Variants in NTM observed in about 807,000 individuals in gnomAD.
NTM encodes the protein IgLON family member 2.
Under a neutral mutation model 42.1 loss-of-function variants are expected in NTM, and 13 were observed. That is an observed-to-expected ratio of 0.31 (90% CI 0.20 to 0.49). NTM has a LOEUF of 0.49. Ranked by LOEUF, NTM falls within the 20% of genes least tolerant of loss-of-function variation. The probability of loss-of-function intolerance (pLI) is 0.99; values close to 1 mark genes in which losing one functional copy is unlikely to be tolerated. For missense variants in NTM, 373 were observed against 452.8 expected, an observed-to-expected ratio of 0.82 and a Z score of 1.60; for synonymous variants, 187 against 179.2, an observed-to-expected ratio of 1.04 and a Z score of -0.35.
intron 1 of NTM, among the ~76,000 whole-genome samples, chr11:131,478,375 C>A (rs1043523803): frequency 1.3e-5 from 2 of 152,226 alleles, no homozygotes; most frequent in East Asian, 3.9e-4. Context: ...CATTTATGGA[C>A]ACCTTGCCTA....
intron 2 of NTM, among the ~76,000 whole-genome samples, chr11:131,971,988 G>A (rs931517963): frequency 3.5e-4 from 50 of 144,136 alleles, no homozygotes; most frequent in African/African-American, 1.1e-3. Flanking sequence ...GCTTGCAGTG[G>A]GCTGAGATTG....
chr11:132,132,316 A>G (rs1418852092), intron 2 of NTM, among the ~76,000 whole-genome samples: 4 of 152,118 alleles, frequency 2.6e-5, no homozygotes, highest in East Asian at 3.9e-4. Flanking sequence ...AATTGGGTCT[A>G]TTTCTTTCTG....
At chr11:131,989,717 G>GCGCA (rs1555207592) in intron 2 of NTM, among the ~76,000 whole-genome samples, 2 of 149,332 alleles carry the variant, frequency 1.3e-5, no homozygotes, top group Non-Finnish European at 3.0e-5. Context: ...TTAGATACAT[G>GCGCA]CACACACACA....
chr11:131,486,579 T>C (rs953004658), intron 1 of NTM, among the ~76,000 whole-genome samples: 2 of 152,164 alleles, frequency 1.3e-5, no homozygotes, highest in African/African-American at 4.8e-5. Flanking sequence ...GTTTTTCTGG[T>C]CAGGAATAAG....
At chr11:132,111,226 G>A (rs888905356) in intron 2 of NTM, among the ~76,000 whole-genome samples, 8 of 150,978 alleles carry the variant, frequency 5.3e-5, no homozygotes, top group African/African-American at 1.9e-4. Flanking sequence ...TTATGTGCAT[G>A]CCTATGTGTG....
intron 1 of NTM, among the ~76,000 whole-genome samples, chr11:131,797,200 G>A (rs1279796707): frequency 6.6e-6 from 1 of 152,128 alleles, no homozygotes; most frequent in African/African-American, 2.4e-5. Context: ...GTTTTTCGTT[G>A]TTTTTTCCTT....
chr11:131,468,359 G>C (rs1351593699), intron 1 of NTM, among the ~76,000 whole-genome samples: 1 of 152,162 alleles, frequency 6.6e-6, no homozygotes, highest in Non-Finnish European at 1.5e-5. Context: ...AATGTTGCTC[G>C]GTGCTTAATG....
intron 1 of NTM, chr11:131,536,084 C>G (rs374598): frequency 0.7 from 105,708 of 152,082 alleles, 39,233 homozygotes; most frequent in Non-Finnish European, 0.83. Flanking sequence ...TGTGTTTAAC[C>G]GTATCTTCCC....
At chr11:131,378,008 T>G (rs2135501878) in intron 1 of NTM, among the ~76,000 whole-genome samples, 1 of 152,354 alleles carries the variant, frequency 6.6e-6, no homozygotes, top group South Asian at 2.1e-4. Flanking sequence ...CAATCTGCAT[T>G]TATTTGCAAT....
At chr11:131,699,605 G>C (rs1170798743) in intron 1 of NTM, among the ~76,000 whole-genome samples, 2 of 152,138 alleles carry the variant, frequency 1.3e-5, no homozygotes, top group South Asian at 2.1e-4. Context: ...AAAGGAAAGA[G>C]GTTTAGTTGA....
At chr11:131,679,656 T>C (rs1364488868) in intron 1 of NTM, among the ~76,000 whole-genome samples, 1 of 151,400 alleles carries the variant, frequency 6.6e-6, no homozygotes, top group Non-Finnish European at 1.5e-5. Flanking sequence ...TCTAGATAAC[T>C]AGTGCCCCCT....
Position 132,330,167 on chromosome 11 carries a change from G to T in NTM, c.949G>T (p.Ala317Ser). 6.4e-7 allele frequency: 1 copy of T among 1,551,698 alleles called. No individual in the cohort carries two copies. The highest frequency in any genetic ancestry group is 1.2e-5 in the South Asian group (1 of 84,018). Residue 317 changes from alanine (A) to serine (S), a missense_variant, in exon 8 of 9, where the codon GCC becomes TCC. Coordinates refer to ENST00000683400, the MANE Select transcript of NTM (RefSeq NM_001352005.2). ...SIMLFEVKTT[A>S]LTPWKGPGAV... ...ATTTCTTTTAGAAGTGAAAACTACAGCCCTGACCCCTTGGAAAGGTTTGTA... is the reference window on the plus strand; with the variant it reads ...ATTTCTTTTAGAAGTGAAAACTACATCCCTGACCCCTTGGAAAGGTTTGTA...
intron 2 of NTM, among the ~76,000 whole-genome samples, chr11:132,085,580 A>G (rs2059602691): frequency 6.6e-6 from 1 of 152,244 alleles, no homozygotes; most frequent in Non-Finnish European, 1.5e-5. Context: ...TATTTCTCAA[A>G]GATTAAAGTC....
Position 131,591,580 on chromosome 11 carries a change from T to C in NTM, c.82+220692T>C, listed in dbSNP as rs765823103. On this transcript the variant is annotated intron_variant, in intron 1 of 8. Transcript: ENST00000683400. ...TGAGCTGAGCTGGGTAGTTCCCAGC[T>C]CAAATGAGCCAAGGCTTGAGATTTG... 2.6e-5 allele frequency among the ~76,000 whole-genome samples: 4 copies of C among 152,290 alleles called. No individual in the cohort carries two copies. In the Middle Eastern group the frequency reaches 0.01, roughly 388 times the overall value.
At chr11:131,402,854 T>C (rs1945395083) in intron 1 of NTM, among the ~76,000 whole-genome samples, 1 of 152,174 alleles carries the variant, frequency 6.6e-6, no homozygotes, top group African/African-American at 2.4e-5. Context: ...GGCTGTATCA[T>C]AGGGCCTGTG....
Position 131,686,712 on chromosome 11 carries a change from C to T in NTM, c.83-224852C>T, listed in dbSNP as rs74998999. Among the ~76,000 whole-genome samples, 957 of 152,312 alleles carry T rather than the reference C, an allele frequency of 6.3e-3. 12 individuals are homozygous for T. Among genetic ancestry groups the T allele is most frequent in the African/African-American group, 0.022 (900 of 41,586 alleles). ...CTGGTTCAGAAACTCCTCTATGTGC[C>T]CCTCATGGCTCAGTCCCACCTGAAT... On this transcript the variant is annotated intron_variant, in intron 1 of 8. Transcript: ENST00000683400.
chr11:131,395,544 G>T (rs913747034), intron 1 of NTM, among the ~76,000 whole-genome samples: 2 of 152,038 alleles, frequency 1.3e-5, no homozygotes, highest in African/African-American at 2.4e-5. Context: ...AACTCCTGTG[G>T]CTATTTATAA....
intron 1 of NTM, among the ~76,000 whole-genome samples, chr11:131,887,325 C>T (rs975487802): frequency 1.3e-5 from 2 of 152,126 alleles, no homozygotes; most frequent in African/African-American, 4.8e-5. Context: ...GACTGAGTGC[C>T]TGGGAACAAA....
intron 1 of NTM, among the ~76,000 whole-genome samples, chr11:131,556,951 G>T (rs1042130855): frequency 1.3e-5 from 2 of 152,084 alleles, no homozygotes; most frequent in African/African-American, 4.8e-5. Flanking sequence ...TACTATCTGG[G>T]ACAGAAACCT....
Sources: allele counts gnomAD v4.1 joint callset (sites outside exome capture counted in the v4.1 genomes callset), GRCh38; gene constraint gnomAD v4.1.1; transcripts MANE v1.5; gene names NCBI Gene and HGNC (gene_info 2026-07-23, HGNC 2026-07-21).